Variants in COG1 observed in about 807,000 individuals in gnomAD.
The protein encoded by COG1 is conserved oligomeric Golgi complex subunit 1.
A neutral mutation model predicts 102.2 loss-of-function variants in COG1; 61 were observed. The ratio of observed to expected loss-of-function variants is 0.60; its 90% CI spans 0.49 to 0.74. COG1 has a LOEUF of 0.74. Among genes scored for constraint, COG1 ranks in the 30% least tolerant of loss-of-function variants. The pLI, the probability that COG1 is intolerant of heterozygous loss-of-function variation, is 0.00. For synonymous variants in COG1, 454 were observed against 493.6 expected, an observed-to-expected ratio of 0.92 and a Z score of 1.06; for missense variants, 1,164 against 1,232.1, an observed-to-expected ratio of 0.94 and a Z score of 0.83.
chr17:73,193,576 G>A (rs1350280614), intron 1 of COG1, among the ~76,000 whole-genome samples, 192 bp downstream of exon 1: 1 of 152,226 alleles, frequency 6.6e-6, no homozygotes, highest in East Asian at 1.9e-4. Context: ...CACATATGCG[G>A]CTGCTGATCC....
In COG1 at chr17:73,208,297, T is replaced by C; in HGVS notation, c.2806-17T>C. 6.2e-7 allele frequency: 1 copy of C among 1,612,876 alleles called. No individual in the cohort carries two copies. Among genetic ancestry groups the C allele is most frequent in the Non-Finnish European group, 8.5e-7 (1 of 1,180,044 alleles). On this transcript the variant is annotated splice_polypyrimidine_tract_variant and intron_variant, in intron 13 of 13. Transcript: ENST00000299886. ...TCAGGCCAACTCTAAGGCACTTTTCTCTACATCCAATGGCAGGTTGTCCCC... is the reference window on the plus strand; with the variant it reads ...TCAGGCCAACTCTAAGGCACTTTTCCCTACATCCAATGGCAGGTTGTCCCC...
chr17:73,205,631 A>T lies in COG1; in HGVS notation c.2461A>T (p.Thr821Ser). The part of the protein sequence containing the change: ...YDLRYLNIVL[T>S]AKGDEVKSGR... ...TCTGCGTTACCTCAACATTGTTCTG[A>T]CAGCCAAGGGTGACGAGGTGAAGAG... The change falls in exon 10 of 14, where the codon ACA (threonine) becomes TCA (serine). Residue 821 changes from threonine to serine, a missense_variant. Thr to Ser is a moderately conservative substitution (Grantham distance 58). Coordinates refer to ENST00000299886, the MANE Select transcript of COG1 (RefSeq NM_018714.3). The T allele has an allele frequency of 6.2e-7, 1 of 1,614,154 alleles. No homozygotes were observed. The highest frequency in any genetic ancestry group is 8.5e-7 in the Non-Finnish European group (1 of 1,180,032).
rs147973539 is a variant in COG1 at position 73,197,395 on chromosome 17, C to T, written c.912C>T (p.Ala304=). The stretch of plus-strand genomic sequence containing the variant: ...AGACCATCACAGGCCAGCATCCTGC[C>T]GGTGAGCTCTTAGCCAAGCTTTTTA... ...TLETITGQHP[A]GKGTGVLQEE... is the part of the protein sequence containing the mutation. The change falls in exon 4 of 14, where the codon GCC becomes GCT. Residue 304 remains alanine (A), a splice_region_variant and synonymous_variant. Transcript: ENST00000299886. 40 of 1,613,944 alleles carry T rather than the reference C, an allele frequency of 2.5e-5. No homozygotes were observed. Among genetic ancestry groups the T allele is most frequent in the African/African-American group, 1.6e-4 (12 of 74,912 alleles).
At chr17:73,203,457 C>A (rs1467829300) in intron 8 of COG1, 175 bp from the exon 9 acceptor site, 2 of 805,250 alleles carry the variant, frequency 2.5e-6, no homozygotes, top group Non-Finnish European at 4.1e-6. Flanking sequence ...GCAGTAACAG[C>A]AAATTGCACT....
chr17:73,199,941 G>C lies in COG1; in HGVS notation c.990G>C (p.Glu330Asp), dbSNP rs746945599. 1 of 1,614,206 alleles carries C rather than the reference G, an allele frequency of 6.2e-7. No individual in the cohort carries two copies. The highest frequency in any genetic ancestry group is 8.5e-7 in the Non-Finnish European group (1 of 1,180,046). ...WFKHLPASIVEFQPTLRTLAH... is the reference protein window; with the variant it reads ...WFKHLPASIVDFQPTLRTLAH... ...AACACCTGCCAGCATCCATCGTCGA[G>C]TTCCAGCCAACACTCCGAACCCTTG... Residue 330 changes from glutamate (E) to aspartate (D), a missense_variant, in exon 5 of 14, where the codon GAG becomes GAC. Coordinates refer to ENST00000299886, the MANE Select transcript of COG1 (RefSeq NM_018714.3).
chr17:73,206,852 C>T lies in COG1; in HGVS notation c.2729+35C>T, dbSNP rs151038538. ...GCCAAGAGGCTTCTGCGGGGCACTT[C>T]GGGAGGCCAAGGTGGACGGATCACG... On this transcript the variant is annotated intron_variant, in intron 12 of 13. Transcript: ENST00000299886. 5.6e-4 allele frequency: 818 copies of T among 1,466,008 alleles called. 6 individuals carry two copies. In the African/African-American group the frequency reaches 9.6e-3, roughly 17 times the overall value. 90.8% of individuals were successfully genotyped at this position (1,466,008 alleles called of 1,614,324 possible). A position where few individuals can be genotyped will look rare whatever the true frequency, so the allele number is the denominator to read the frequency against.
chr17:73,207,229 A>C lies in COG1; in HGVS notation c.2778A>C (p.Ser926=), dbSNP rs199582998. The C allele has an allele frequency of 6.2e-7, 1 of 1,613,966 alleles. No homozygotes were observed. The highest frequency in any genetic ancestry group is 8.5e-7 in the Non-Finnish European group (1 of 1,180,032). The change falls in exon 13 of 14, where the codon TCA becomes TCC. Residue 926 remains serine, a synonymous_variant. Transcript: ENST00000299886. ...LSMTSTRKAK[S]TRNIETKAQV... ...TGACAAGCACTCGAAAGGCTAAATCAACCAGAAACATCGAAACAAAAGCTC... is the reference window on the plus strand; with the variant it reads ...TGACAAGCACTCGAAAGGCTAAATCCACCAGAAACATCGAAACAAAAGCTC...
At chr17:73,201,065 C>T in intron 6 of COG1, 44 bp from the exon 7 acceptor site, 1 of 1,572,090 alleles carries the variant, frequency 6.4e-7, no homozygotes. Flanking sequence ...TTGAAATGTC[C>T]TTAAAGGAAC....
chr17:73,204,665 T>A (rs909610955), intron 9 of COG1, among the ~76,000 whole-genome samples: 3 of 150,380 alleles, frequency 2.0e-5, no homozygotes, highest in Non-Finnish European at 4.4e-5. Flanking sequence ...GCTCAGGAGA[T>A]TCTCCCACCT....
Position 73,208,465 on chromosome 17 carries a change from C to CT in COG1, c.*15dup. ...ATGACTAAGTAACATGGCAACACATCTGTCTCTCCCTAAATAAATACTACC... is the reference window on the plus strand; with the variant it reads ...ATGACTAAGTAACATGGCAACACATCTTGTCTCTCCCTAAATAAATACTACC... On this transcript the variant is annotated 3_prime_UTR_variant, in exon 14 of 14. Transcript: ENST00000299886. 2 of 1,613,366 alleles carry CT rather than the reference C, an allele frequency of 1.2e-6. No homozygotes were observed. The highest frequency in any genetic ancestry group is 1.7e-6 in the Non-Finnish European group (2 of 1,179,492).
chr17:73,205,451 T>A, intron 9 of COG1, 102 bp from the exon 10 acceptor site: 1 of 1,271,922 alleles, frequency 7.9e-7, no homozygotes, highest in Non-Finnish European at 1.1e-6. Context: ...CATCTGCTTC[T>A]GAAATAGCAA....
At chr17:73,206,315 TAAC>T in intron 11 of COG1, 53 bp downstream of exon 11, 1 of 1,368,940 alleles carries the variant, frequency 7.3e-7, no homozygotes, top group Non-Finnish European at 1.0e-6. Context: ...CAGGCTCAAA[TAAC>T]AAAATTAACC....
chr17:73,200,977 CTGCCAACACCA>C, intron 6 of COG1, 121 bp from the exon 7 acceptor site: 2 of 956,924 alleles, frequency 2.1e-6, no homozygotes, highest in Non-Finnish European at 3.3e-6. Flanking sequence ...GCTTTATTCT[CTGCCAACACCA>C]TGCCATCTTT....
At chr17:73,203,885 C>A in intron 9 of COG1, 92 bp downstream of exon 9, 1 of 1,433,646 alleles carries the variant, frequency 7.0e-7, no homozygotes, top group Non-Finnish European at 9.8e-7. Context: ...ACATCAAAGA[C>A]TCAAACTGTT....
At chr17:73,195,333 A>C (rs990401742) in intron 1 of COG1, among the ~76,000 whole-genome samples, 4 of 152,218 alleles carry the variant, frequency 2.6e-5, no homozygotes, top group African/African-American at 9.6e-5. Context: ...AAAAATTTAG[A>C]ATAACAGGTC....
In COG1 at chr17:73,206,797, A is replaced by G. The variant is rs759405408; in HGVS notation, c.2709A>G (p.Pro903=). ...FNSQEPHNIL[P]LASSQIRFGL... The stretch of plus-strand genomic sequence containing the variant: ...CCCAAGAACCCCATAACATCCTGCC[A>G]CTGGCATCCAGTCAGATCAGGTAAA... Residue 903 remains proline, a synonymous_variant, in exon 12 of 14, where the codon CCA becomes CCG. Transcript: ENST00000299886. 18 of 1,613,660 alleles carry G rather than the reference A, an allele frequency of 1.1e-5. No individual in the cohort carries two copies. The highest frequency in any genetic ancestry group is 1.5e-5 in the Non-Finnish European group (18 of 1,179,862).
chr17:73,202,786 A>C (rs577172637), intron 7 of COG1, among the ~76,000 whole-genome samples: 3 of 151,592 alleles, frequency 2.0e-5, no homozygotes, highest in South Asian at 4.2e-4. Flanking sequence ...ACCCTGTCTC[A>C]AAAAAAAAGA....
Position 73,201,120 on chromosome 17 carries a change from A to G in COG1, c.1293A>G (p.Lys431=), listed in dbSNP as rs1375424064. 6.2e-7 allele frequency: 1 copy of G among 1,614,164 alleles called. No individual in the cohort carries two copies. Among genetic ancestry groups the G allele is most frequent in the Non-Finnish European group, 8.5e-7 (1 of 1,180,028 alleles). Residue 431 remains lysine (K), a synonymous_variant, in exon 7 of 14, where the codon AAA becomes AAG. Coordinates refer to ENST00000299886, the MANE Select transcript of COG1 (RefSeq NM_018714.3). ...LFLDRLQTLT[K]EGFDSISSSS... Reference sequence around the variant, plus strand: ...TCATTCTCTTTTAGACTCTGACAAAAGAAGGCTTTGACTCCATCTCCAGTA... The same window carrying G: ...TCATTCTCTTTTAGACTCTGACAAAGGAAGGCTTTGACTCCATCTCCAGTA...
rs1363832647 is a variant in COG1 at position 73,201,845 on chromosome 17, T to C, written c.2018T>C (p.Val673Ala). ...GCCAAGTGGCAAGAGGTTAAAGAAG[T>C]ACTCCTCCAGCAGAGCGTGATGGGC... ...TQAKWQEVKE[V>A]LLQQSVMGYQ... is the part of the protein sequence containing the mutation. Residue 673 changes from valine (V) to alanine (A), a missense_variant, in exon 7 of 14, where the codon GTA (valine) becomes GCA (alanine). Transcript: ENST00000299886. 1 of 1,614,226 alleles carries C rather than the reference T, an allele frequency of 6.2e-7. No homozygotes were observed. The highest frequency in any genetic ancestry group is 8.5e-7 in the Non-Finnish European group (1 of 1,180,036).
Sources: allele counts gnomAD v4.1 joint callset (sites outside exome capture counted in the v4.1 genomes callset), GRCh38; gene constraint gnomAD v4.1.1; transcripts MANE v1.5; gene names NCBI Gene and HGNC (gene_info 2026-07-23, HGNC 2026-07-21).